Variants in LARGE1 observed in about 807,000 individuals in gnomAD.
The protein encoded by LARGE1 is xylosyl- and glucuronyltransferase LARGE1.
A neutral mutation model predicts 87.6 loss-of-function variants in LARGE1; 43 were observed. That is an observed-to-expected ratio of 0.49 (90% CI 0.38 to 0.63). The LOEUF is 0.63. LARGE1 is among the 30% of genes least tolerant of loss of function. LARGE1 has a pLI of 0.00. For synonymous variants in LARGE1, 434 were observed against 394.6 expected (o/e 1.10, Z -1.18); for missense variants, 802 against 1,000.2 (o/e 0.80, Z 2.67).
At chr22:33,109,168 G>A in the LARGE1 span, 1 of 152,142 alleles carries the variant, frequency 6.6e-6, no homozygotes, top group Non-Finnish European at 1.5e-5. Flanking sequence ...GTAATTTGAA[G>A]GTTCTGGATT....
Position 33,691,788 on chromosome 22 carries a change from A to G in LARGE1, c.107-41120T>C, listed in dbSNP as rs182081053. Among the ~76,000 whole-genome samples the G allele has an allele frequency of 2.4e-3, 362 of 152,312 alleles. 1 individual carries two copies. The Middle Eastern group carries it at 0.031, about 13-fold the overall frequency. On this transcript the variant is annotated intron_variant, in intron 2 of 14. Coordinates refer to ENST00000397394, the MANE Select transcript of LARGE1 (RefSeq NM_133642.5). ...CTCACAGGAAGACAATGGAAGACCC[A>G]TATGGAACTTAGAACAGCCTTGGCC... is the stretch of plus-strand genomic sequence containing the variant.
intron 2 of LARGE1, chr22:33,744,215 A>C (rs1191664351): frequency 6.6e-6 from 1 of 152,248 alleles, no homozygotes; most frequent in Non-Finnish European, 1.5e-5. Context: ...AATATGTGTC[A>C]GTTGCCTGCA....
At chr22:33,447,818 A>T (rs1377987409) in intron 6 of LARGE1, among the ~76,000 whole-genome samples, 1 of 152,030 alleles carries the variant, frequency 6.6e-6, no homozygotes, top group Non-Finnish European at 1.5e-5. Context: ...TGGAAGGAGG[A>T]AGGGCTCAGC....
chr22:33,308,825 A>AAG (rs1409098508), intron 11 of LARGE1, among the ~76,000 whole-genome samples: 5 of 152,190 alleles, frequency 3.3e-5, no homozygotes, highest in Non-Finnish European at 5.9e-5. Flanking sequence ...CTAAGCTGCT[A>AAG]AGACTCAGGG....
chr22:33,724,473 T>C (rs1283941880), intron 2 of LARGE1, among the ~76,000 whole-genome samples: 1 of 152,164 alleles, frequency 6.6e-6, no homozygotes, highest in African/African-American at 2.4e-5. Flanking sequence ...CACAGTTCTA[T>C]AAGGGTCACC....
chr22:33,662,976 T>C (rs1162524670), intron 2 of LARGE1, among the ~76,000 whole-genome samples: 1 of 152,198 alleles, frequency 6.6e-6, no homozygotes, highest in Non-Finnish European at 1.5e-5. Flanking sequence ...CTTTATCAGT[T>C]TGACTTACAT....
intron 1 of LARGE1, among the ~76,000 whole-genome samples, chr22:33,806,116 CT>C (rs2086301231): frequency 6.6e-6 from 1 of 152,208 alleles, no homozygotes; most frequent in South Asian, 2.1e-4. Context: ...CTCCCAGCCC[CT>C]GGTAATAACC....
chr22:33,327,657 G>A (rs1937357736), intron 10 of LARGE1, among the ~76,000 whole-genome samples: 1 of 152,172 alleles, frequency 6.6e-6, no homozygotes, highest in South Asian at 2.1e-4. Context: ...CCAGGCTCAA[G>A]TGATCCTCCC....
At chr22:33,642,504 CATG>C (rs1206945560) in intron 3 of LARGE1, among the ~76,000 whole-genome samples, 1 of 151,952 alleles carries the variant, frequency 6.6e-6, no homozygotes, top group East Asian at 1.9e-4. Context: ...CAGCTAGCAT[CATG>C]ATGACAGGAT....
chr22:33,770,383 T>C (rs1338915008), intron 1 of LARGE1, among the ~76,000 whole-genome samples: 3 of 152,198 alleles, frequency 2.0e-5, no homozygotes, highest in African/African-American at 7.2e-5. Flanking sequence ...TTCCCTGAAC[T>C]TAAAAGGTGA....
chr22:33,400,120 C>T (rs2065885871), intron 7 of LARGE1, among the ~76,000 whole-genome samples: 1 of 152,218 alleles, frequency 6.6e-6, no homozygotes, highest in Non-Finnish European at 1.5e-5. Context: ...GACAGGCTTT[C>T]ACAGGCAGTC....
intron 1 of LARGE1, among the ~76,000 whole-genome samples, chr22:33,780,662 A>G (rs2085390776): frequency 6.6e-6 from 1 of 152,240 alleles, no homozygotes; most frequent in Non-Finnish European, 1.5e-5. Flanking sequence ...TCTAACATCT[A>G]ACACACAACA....
chr22:33,511,078 A>G (rs2071033629), intron 6 of LARGE1, among the ~76,000 whole-genome samples: 1 of 152,170 alleles, frequency 6.6e-6, no homozygotes, highest in South Asian at 2.1e-4. Context: ...TGTTTTACTG[A>G]TGGGCCATTA....
chr22:33,417,968 G>T (rs2066561187), intron 7 of LARGE1, among the ~76,000 whole-genome samples: 1 of 151,740 alleles, frequency 6.6e-6, no homozygotes, highest in East Asian at 1.9e-4. Flanking sequence ...TTTTTTTTGA[G>T]ACAGAGTCTC....
chr22:33,460,734 A>G (rs2068343768), intron 6 of LARGE1, among the ~76,000 whole-genome samples: 1 of 152,206 alleles, frequency 6.6e-6, no homozygotes, highest in South Asian at 2.1e-4. Flanking sequence ...GATTACATAA[A>G]AACACCCTAG....
chr22:33,764,488 T>C (rs2145757166), intron 1 of LARGE1, among the ~76,000 whole-genome samples: 1 of 152,276 alleles, frequency 6.6e-6, no homozygotes, highest in East Asian at 1.9e-4. Flanking sequence ...GTATTACAGG[T>C]GGCTCATGCC....
At chr22:33,695,497 T>C (rs1360944373) in intron 2 of LARGE1, among the ~76,000 whole-genome samples, 1 of 152,202 alleles carries the variant, frequency 6.6e-6, no homozygotes, top group Non-Finnish European at 1.5e-5. Flanking sequence ...AAATTCCAAA[T>C]ACACAGTAAA....
intron 7 of LARGE1, among the ~76,000 whole-genome samples, chr22:33,412,615 A>C (rs1399722907): frequency 6.6e-6 from 1 of 152,168 alleles, no homozygotes; most frequent in Non-Finnish European, 1.5e-5. Context: ...TTTTCAAATG[A>C]CATATTTCAT....
intron 1 of LARGE1, among the ~76,000 whole-genome samples, chr22:33,861,829 G>T (rs933623925): frequency 6.7e-6 from 1 of 149,426 alleles, no homozygotes; most frequent in Non-Finnish European, 1.5e-5. Context: ...GTCCTCAGTA[G>T]AAGAAAAGTG....
Sources: allele counts gnomAD v4.1 joint callset (sites outside exome capture counted in the v4.1 genomes callset), GRCh38; gene constraint gnomAD v4.1.1; transcripts MANE v1.5; gene names NCBI Gene and HGNC (gene_info 2026-07-23, HGNC 2026-07-21).